The following SHC4 variants were observed in gnomAD, a reference collection of about 807,000 sequenced individuals.
SHC4 encodes the protein SHC adaptor protein 4, also known as SHC-transforming protein 4.
A neutral mutation model predicts 69.4 loss-of-function variants in SHC4; 41 were observed. The ratio of observed to expected loss-of-function variants is 0.59; its 90% CI spans 0.46 to 0.77. The LOEUF is 0.77. SHC4 is among the 30% of genes least tolerant of loss of function. The probability of loss-of-function intolerance (pLI) is 0.00; values close to 1 mark genes in which losing one functional copy is unlikely to be tolerated. For missense variants in SHC4, 777 were observed against 783.8 expected (o/e 0.99, Z 0.10); for synonymous variants, 318 against 299.3 (o/e 1.06, Z -0.64).
chr15:48,895,196 A>G (rs1347093733), intron 2 of SHC4, among the ~76,000 whole-genome samples: 1 of 152,144 alleles, frequency 6.6e-6, no homozygotes, highest in East Asian at 1.9e-4. Context: ...TACCATTCCA[A>G]GGTATGGACT....
At chr15:48,898,695 A>G (rs1478954449) in intron 2 of SHC4, among the ~76,000 whole-genome samples, 5 of 152,176 alleles carry the variant, frequency 3.3e-5, no homozygotes, top group East Asian at 3.9e-4. Flanking sequence ...CATCTCCCCT[A>G]TAACTCTCAC....
At chr15:48,865,746 A>C (rs1899547334) in intron 6 of SHC4, among the ~76,000 whole-genome samples, 1 of 152,184 alleles carries the variant, frequency 6.6e-6, no homozygotes, top group African/African-American at 2.4e-5. Flanking sequence ...CCTCCCATCC[A>C]GGACCTCGCT....
chr15:48,845,086 G>A (rs775557732), intron 9 of SHC4, among the ~76,000 whole-genome samples: 18 of 152,092 alleles, frequency 1.2e-4, no homozygotes, highest in Non-Finnish European at 2.4e-4. Flanking sequence ...ATGTGCTCAT[G>A]GTCATCATAA....
intron 4 of SHC4, among the ~76,000 whole-genome samples, chr15:48,880,350 C>T (rs563620695): frequency 6.6e-6 from 1 of 152,142 alleles, no homozygotes; most frequent in Non-Finnish European, 1.5e-5. Flanking sequence ...CTGCCTCTTC[C>T]ACTGCTTTCT....
intron 1 of SHC4, among the ~76,000 whole-genome samples, chr15:48,953,843 G>T (rs547036069): frequency 6.0e-4 from 92 of 152,248 alleles, no homozygotes; most frequent in African/African-American, 2.2e-3. Flanking sequence ...TGGCTCATGT[G>T]GCTCACCCTC....
intron 11 of SHC4, among the ~76,000 whole-genome samples, chr15:48,829,970 T>TG (rs1898766772): frequency 6.6e-6 from 1 of 152,192 alleles, no homozygotes; most frequent in Non-Finnish European, 1.5e-5. Flanking sequence ...AGCATGTAGT[T>TG]GGAGCTTGTT....
At chr15:48,830,802 G>T (rs114584866) in intron 11 of SHC4, among the ~76,000 whole-genome samples, 1 of 152,142 alleles carries the variant, frequency 6.6e-6, no homozygotes, top group Admixed American at 6.5e-5. Flanking sequence ...CAAGCAAACC[G>T]CCAAGGTCAT....
intron 1 of SHC4, among the ~76,000 whole-genome samples, chr15:48,947,527 C>T (rs189771752): frequency 2.1e-4 from 32 of 152,250 alleles, no homozygotes; most frequent in African/African-American, 7.2e-4. Context: ...AAAGTCATTG[C>T]TTGTCATCCT....
At chr15:48,946,837 A>G (rs1484258173) in intron 1 of SHC4, among the ~76,000 whole-genome samples, 1 of 152,208 alleles carries the variant, frequency 6.6e-6, no homozygotes, top group Non-Finnish European at 1.5e-5. Context: ...GTTGAATAAG[A>G]GTTTCTTTGT....
intron 1 of SHC4, among the ~76,000 whole-genome samples, chr15:48,937,852 T>C (rs965414901): frequency 3.3e-5 from 5 of 152,234 alleles, no homozygotes; most frequent in Non-Finnish European, 7.3e-5. Flanking sequence ...AATTGCTTTG[T>C]ACAACGGTGA....
chr15:48,925,009 G>A, intron 1 of SHC4, 60 bp from the exon 2 acceptor site: 1 of 1,573,002 alleles, frequency 6.4e-7, no homozygotes, highest in South Asian at 1.1e-5. Context: ...CTGTCTCTTA[G>A]CTTCACGGCA....
intron 2 of SHC4, among the ~76,000 whole-genome samples, chr15:48,909,920 G>T (rs564582979): frequency 6.6e-6 from 1 of 152,200 alleles, no homozygotes; most frequent in East Asian, 1.9e-4. Context: ...GATCATGGTG[G>T]ATTATCTTTT....
intron 10 of SHC4, among the ~76,000 whole-genome samples, chr15:48,837,040 T>C (rs767817022): frequency 6.6e-6 from 1 of 152,176 alleles, no homozygotes; most frequent in Non-Finnish European, 1.5e-5. Context: ...TGTGTTTGTG[T>C]GTGTGAAAAA....
intron 11 of SHC4, among the ~76,000 whole-genome samples, chr15:48,830,481 A>C (rs964242426): frequency 6.6e-6 from 1 of 152,250 alleles, no homozygotes; most frequent in Non-Finnish European, 1.5e-5. Context: ...CTTATAATGA[A>C]GCTGAAAAAT....
chr15:48,890,103 G>A (rs1353093500), intron 3 of SHC4, among the ~76,000 whole-genome samples: 1 of 152,176 alleles, frequency 6.6e-6, no homozygotes, highest in African/African-American at 2.4e-5. Context: ...TAAAGTAAGT[G>A]CTATTTTCTC....
chr15:48,888,984 T>C (rs1900087392), intron 3 of SHC4, among the ~76,000 whole-genome samples: 2 of 152,030 alleles, frequency 1.3e-5, no homozygotes, highest in African/African-American at 2.4e-5. Flanking sequence ...CCTAAAGTGC[T>C]GGAAAGAGTC....
intron 2 of SHC4, among the ~76,000 whole-genome samples, chr15:48,923,435 G>A (rs550288759): frequency 3.4e-4 from 51 of 151,160 alleles, no homozygotes; most frequent in Non-Finnish European, 6.3e-4. Flanking sequence ...CTGTAGTCCC[G>A]GCTACTCAGG....
At chr15:48,912,095 G>A (rs548456122) in intron 2 of SHC4, among the ~76,000 whole-genome samples, 1 of 152,094 alleles carries the variant, frequency 6.6e-6, no homozygotes, top group Non-Finnish European at 1.5e-5. Flanking sequence ...AATTTCCCAG[G>A]TGTTCTTTGT....
intron 4 of SHC4, among the ~76,000 whole-genome samples, chr15:48,875,970 G>A (rs1254841358): frequency 1.3e-5 from 2 of 152,332 alleles, no homozygotes; most frequent in African/African-American, 4.8e-5. Flanking sequence ...GATGGATGCA[G>A]AGCACACACG....
Sources: allele counts gnomAD v4.1 joint callset (sites outside exome capture counted in the v4.1 genomes callset), GRCh38; gene constraint gnomAD v4.1.1; transcripts MANE v1.5; gene names NCBI Gene and HGNC (gene_info 2026-07-23, HGNC 2026-07-21).